Variants in VOPP1 observed in about 807,000 individuals in gnomAD.
VOPP1 encodes WW domain binding protein VOPP1.
A neutral mutation model predicts 23.5 loss-of-function variants in VOPP1; 8 were observed. That is an observed-to-expected ratio of 0.34 (90% CI 0.20 to 0.61). The LOEUF is 0.61. Among genes scored for constraint, VOPP1 ranks in the 20% least tolerant of loss-of-function variants. The pLI is 0.78. For synonymous variants in VOPP1, 83 were observed against 97.3 expected (o/e 0.85, Z 0.86); for missense variants, 174 against 238.1 (o/e 0.73, Z 1.77).
At chr7:55,436,667 CGTGCGTGT>C (rs1790837324) in intron 4 of VOPP1, among the ~76,000 whole-genome samples, 1 of 148,912 alleles carries the variant, frequency 6.7e-6, no homozygotes, top group Admixed American at 6.6e-5. Flanking sequence ...TGCGTGTGTG[CGTGCGTGT>C]GCGTGTGTGC....
chr7:55,534,821 T>C (rs1407905223), intron 1 of VOPP1, among the ~76,000 whole-genome samples: 1 of 152,170 alleles, frequency 6.6e-6, no homozygotes, highest in Non-Finnish European at 1.5e-5. Flanking sequence ...TTGGGGAAAG[T>C]ACCACCGCCC....
chr7:55,521,032 T>C lies in VOPP1; in HGVS notation c.113+40A>G, dbSNP rs745545209. ...GCAAGACAATTCCCAGAGAAAGGTA[T>C]GGCCACAGAATGAAACCACAGAAAG... On this transcript the variant is annotated intron_variant, in intron 2 of 4. Coordinates refer to ENST00000285279, the MANE Select transcript of VOPP1 (RefSeq NM_030796.5). 9.7e-6 allele frequency: 15 copies of C among 1,547,338 alleles called. No homozygotes were observed. In the South Asian group the frequency reaches 1.1e-4, roughly 11 times the overall value.
chr7:55,447,556 T>A (rs1025876174), intron 4 of VOPP1, among the ~76,000 whole-genome samples: 3 of 152,208 alleles, frequency 2.0e-5, no homozygotes, highest in Non-Finnish European at 4.4e-5. Context: ...GCTGTCTGAA[T>A]GGTTGTTGGG....
chr7:55,496,452 A>G (rs1343854771), intron 3 of VOPP1, among the ~76,000 whole-genome samples: 1 of 152,238 alleles, frequency 6.6e-6, no homozygotes, highest in Admixed American at 6.5e-5. Flanking sequence ...TTCTTCTGTT[A>G]CAGAGTTTTA....
At chr7:55,522,402 A>T (rs1795924326) in intron 1 of VOPP1, among the ~76,000 whole-genome samples, 1 of 152,220 alleles carries the variant, frequency 6.6e-6, no homozygotes, top group African/African-American at 2.4e-5. Context: ...AATGAGTTTT[A>T]TTTAGACTAG....
intron 1 of VOPP1, among the ~76,000 whole-genome samples, chr7:55,526,368 C>T (rs1796192957): frequency 6.6e-6 from 1 of 152,110 alleles, no homozygotes; most frequent in Non-Finnish European, 1.5e-5. Flanking sequence ...TCTAAATAAG[C>T]CCCAGAGAAT....
intron 1 of VOPP1, among the ~76,000 whole-genome samples, chr7:55,528,593 G>C (rs529698058): frequency 6.6e-6 from 1 of 151,976 alleles, no homozygotes; most frequent in South Asian, 2.1e-4. Context: ...GCTGAGGCAG[G>C]AAAAATCACT....
At chr7:55,572,218 C>A in intron 1 of VOPP1, 53 bp downstream of exon 1, 1 of 1,461,416 alleles carries the variant, frequency 6.8e-7, no homozygotes, top group South Asian at 1.3e-5. Flanking sequence ...CGCCCCCAGC[C>A]GCCAGCATGG....
At chr7:55,539,899 G>GCACACACACACACACA (rs60831624) in intron 1 of VOPP1, among the ~76,000 whole-genome samples, 13 of 139,328 alleles carry the variant, frequency 9.3e-5, no homozygotes, top group South Asian at 4.9e-4. Context: ...CATAAGCGCT[G>GCACACACACACACACA]CACACACACA....
At chr7:55,485,199 A>G (rs1793043118) in intron 4 of VOPP1, among the ~76,000 whole-genome samples, 2 of 152,212 alleles carry the variant, frequency 1.3e-5, no homozygotes, top group East Asian at 1.9e-4. Flanking sequence ...TGTTTTCAGT[A>G]ATCATCATCA....
At chr7:55,464,504 G>A (rs1791585146) in intron 4 of VOPP1, among the ~76,000 whole-genome samples, 1 of 152,174 alleles carries the variant, frequency 6.6e-6, no homozygotes, top group Non-Finnish European at 1.5e-5. Flanking sequence ...TGTCAATGGC[G>A]TGGCCCAACC....
intron 1 of VOPP1, among the ~76,000 whole-genome samples, chr7:55,566,875 A>C (rs914324503): frequency 6.6e-5 from 10 of 152,218 alleles, no homozygotes; most frequent in Admixed American, 1.3e-4. Context: ...CCTGGAAAAG[A>C]ACACACACAC....
intron 2 of VOPP1, among the ~76,000 whole-genome samples, chr7:55,512,290 G>A (rs771892605): frequency 5.3e-4 from 80 of 152,168 alleles, no homozygotes; most frequent in Non-Finnish European, 7.6e-4. Context: ...GCTAGGTGTC[G>A]TGGCACGTGC....
Position 55,456,492 on chromosome 7 carries a change from T to C in VOPP1, n.418-20318A>G, listed in dbSNP as rs1791370086. Among the ~76,000 whole-genome samples, 5 of 152,208 alleles carry C rather than the reference T, an allele frequency of 3.3e-5. No homozygotes were observed. In the South Asian group the frequency reaches 1.0e-3, roughly 31 times the overall value. ...TAAATCATTCTACTATAAAGACTCA[T>C]GCACACCTATGTTTATTGCAGCACT... On this transcript the variant is annotated intron_variant and non_coding_transcript_variant, in intron 4 of 4. Transcript: ENST00000462326.
intron 4 of VOPP1, among the ~76,000 whole-genome samples, chr7:55,483,114 A>G (rs1353070524): frequency 1.3e-5 from 2 of 152,172 alleles, no homozygotes; most frequent in African/African-American, 4.8e-5. Flanking sequence ...CTGAACTTGT[A>G]TGACTGTGGC....
At chr7:55,521,614 T>A (rs550391708) in intron 1 of VOPP1, 2 of 987,544 alleles carry the variant, frequency 2.0e-6, no homozygotes, top group African/African-American at 3.5e-5. Flanking sequence ...GGTTCACTCG[T>A]TGCCCTCTCA....
At chr7:55,562,104 T>C in intron 1 of VOPP1, 1 of 702,214 alleles carries the variant, frequency 1.4e-6, no homozygotes. Flanking sequence ...TGTTCGAAAC[T>C]CCCTACCTCA....
intron 1 of VOPP1, among the ~76,000 whole-genome samples, chr7:55,571,241 C>G (rs142134534): frequency 6.6e-6 from 1 of 152,312 alleles, no homozygotes; most frequent in East Asian, 1.9e-4. Context: ...AATTTGTCCA[C>G]CAGCCTTCCT....
At chr7:55,565,925 G>A (rs1298087900) in intron 1 of VOPP1, among the ~76,000 whole-genome samples, 1 of 152,142 alleles carries the variant, frequency 6.6e-6, no homozygotes. Context: ...CAAACCACAA[G>A]AAACACTGGA....
Sources: gnomAD v4.1 joint callset for allele counts (sites outside exome capture counted in the v4.1 genomes callset) on GRCh38, gnomAD v4.1.1 for gene constraint, MANE v1.5 for transcripts, NCBI Gene and HGNC (gene_info 2026-07-23, HGNC 2026-07-21) for gene names.